SEPTIN7: variants seen among roughly 807,000 people sequenced by gnomAD.
SEPTIN7 encodes septin 7.
A neutral mutation model predicts 63.3 loss-of-function variants in SEPTIN7; 10 were observed. The ratio of observed to expected loss-of-function variants is 0.16; its 90% CI spans 0.10 to 0.27. The LOEUF is 0.27. SEPTIN7 is among the 10% of genes least tolerant of loss of function. SEPTIN7 has a pLI of 1.00. For synonymous variants in SEPTIN7, 131 were observed against 165.3 expected, an observed-to-expected ratio of 0.79 and a Z score of 1.59; for missense variants, 310 against 521.0, an observed-to-expected ratio of 0.59 and a Z score of 3.94.
At chr7:35,814,923 C>T (rs1378854300) in intron 1 of SEPTIN7, among the ~76,000 whole-genome samples, 3 of 136,642 alleles carry the variant, frequency 2.2e-5, no homozygotes, top group Non-Finnish European at 4.5e-5. Flanking sequence ...TGCGGTGAGC[C>T]GAGATCTCGC....
intron 1 of SEPTIN7, 131 bp downstream of exon 1, chr7:35,801,401 G>C: frequency 4.2e-6 from 5 of 1,192,520 alleles, no homozygotes; most frequent in Non-Finnish European, 5.6e-6. Context: ...AGCCGGGATG[G>C]GGGCCACTGC....
intron 2 of SEPTIN7, chr7:35,831,906 T>C (rs1219675918): frequency 6.6e-6 from 2 of 304,644 alleles, no homozygotes; most frequent in South Asian, 2.7e-5. Flanking sequence ...GCAGAAACTT[T>C]TAAGAGAATG....
At chr7:35,915,217 T>TGCA in the SEPTIN7 span, among the ~76,000 whole-genome samples, 4 of 147,298 alleles carry the variant, frequency 2.7e-5, no homozygotes, top group Middle Eastern at 3.2e-3. Context: ...GCTAGTTATC[T>TGCA]GCAGCAGGAA....
At chr7:35,858,980 G>A (rs761729622) in intron 3 of SEPTIN7, among the ~76,000 whole-genome samples, 6 of 151,976 alleles carry the variant, frequency 3.9e-5, no homozygotes, top group East Asian at 1.9e-4. Flanking sequence ...ACACCCTGCC[G>A]TTTCTATTCT....
upstream of SEPTIN7, chr7:35,800,986 G>A (rs1787908796): frequency 2.2e-6 from 1 of 454,480 alleles, no homozygotes; most frequent in Non-Finnish European, 3.9e-6. Flanking sequence ...GTAATCTCGC[G>A]AGATGGAAGC....
At chr7:35,845,709 G>T (rs1304471792) in intron 3 of SEPTIN7, among the ~76,000 whole-genome samples, 2 of 152,060 alleles carry the variant, frequency 1.3e-5, no homozygotes, top group Admixed American at 6.6e-5. Context: ...CTTGCTTTAT[G>T]GTTGCTGAAT....
At chr7:35,886,377 G>C (rs1229026267) in intron 10 of SEPTIN7, among the ~76,000 whole-genome samples, 1 of 152,154 alleles carries the variant, frequency 6.6e-6, no homozygotes, top group African/African-American at 2.4e-5. Context: ...TGCTGAAAGA[G>C]AAGGAAAGCC....
chr7:35,888,336 T>C (rs899998915), intron 10 of SEPTIN7, among the ~76,000 whole-genome samples: 4 of 152,228 alleles, frequency 2.6e-5, no homozygotes, highest in South Asian at 2.1e-4. Flanking sequence ...TAGAAGACTT[T>C]AGTGATTTTA....
At chr7:35,816,498 T>C (rs543433939) in intron 1 of SEPTIN7, among the ~76,000 whole-genome samples, 16 of 152,326 alleles carry the variant, frequency 1.1e-4, no homozygotes, top group South Asian at 4.1e-4. Context: ...GGTTGTTTTC[T>C]ACTTTTTGAC....
chr7:35,871,380 A>G (rs1467836012), intron 4 of SEPTIN7, among the ~76,000 whole-genome samples: 6 of 152,206 alleles, frequency 3.9e-5, no homozygotes, highest in Non-Finnish European at 8.8e-5. Context: ...ATATGTGGCT[A>G]TTTAAGTTAA....
downstream of SEPTIN7, among the ~76,000 whole-genome samples, chr7:35,909,089 G>A (rs1219663830): frequency 2.6e-5 from 4 of 152,068 alleles, no homozygotes; most frequent in African/African-American, 7.2e-5. Context: ...TTCAGAAGTC[G>A]GAATATATCG....
At chr7:35,903,641 A>G (rs1190018388) in intron 13 of SEPTIN7, among the ~76,000 whole-genome samples, 4 of 152,212 alleles carry the variant, frequency 2.6e-5, no homozygotes, top group Admixed American at 2.0e-4. Flanking sequence ...TTAAGACAAA[A>G]TGTTAGATAT....
At chr7:35,914,895 C>T in the SEPTIN7 span, among the ~76,000 whole-genome samples, 59 of 151,502 alleles carry the variant, frequency 3.9e-4, no homozygotes, top group African/African-American at 1.1e-3. Flanking sequence ...TGTATGTGCA[C>T]GTAGATATGT....
intron 1 of SEPTIN7, among the ~76,000 whole-genome samples, chr7:35,806,921 G>A (rs1013003944): frequency 1.3e-4 from 20 of 152,188 alleles, no homozygotes; most frequent in African/African-American, 4.3e-4. Flanking sequence ...ATAGGCCTGG[G>A]ATGGGGCCCT....
chr7:35,852,665 C>A (rs533165835), intron 3 of SEPTIN7, among the ~76,000 whole-genome samples: 2 of 152,240 alleles, frequency 1.3e-5, no homozygotes, highest in South Asian at 4.1e-4. Context: ...AGTAAGGTGA[C>A]TTTGCTTATG....
At chr7:35,838,252 C>A (rs540742728) in intron 3 of SEPTIN7, among the ~76,000 whole-genome samples, 2,194 of 12,492 alleles carry the variant, frequency 0.18, 196 homozygotes, top group African/African-American at 0.33. Flanking sequence ...TTCCTTCCTT[C>A]CTTCCTTCCT....
chr7:35,879,039 G>T (rs773206363), intron 6 of SEPTIN7, among the ~76,000 whole-genome samples: 31 of 152,188 alleles, frequency 2.0e-4, no homozygotes, highest in Admixed American at 5.2e-4. Context: ...TTACTAAGAG[G>T]ATCCTGAAAA....
In SEPTIN7 at chr7:35,878,316, TA is replaced by T. The variant is rs532977752; in HGVS notation, c.513-1506del. 5.8e-3 allele frequency among the ~76,000 whole-genome samples: 883 copies of T among 152,096 alleles called. 6 individuals are homozygous for T. Among genetic ancestry groups the T allele is most frequent in the African/African-American group, 0.02 (841 of 41,482 alleles). ...ATGGAGGAGGGTGTTCCAGCTAAGG[TA>T]GTAGCCTGTGGCCAGATGTCAAAGT... On this transcript the variant is annotated intron_variant, in intron 6 of 13. Transcript: ENST00000350320.
intron 1 of SEPTIN7, among the ~76,000 whole-genome samples, chr7:35,811,628 G>GCCT (rs1788712442): frequency 1.3e-5 from 2 of 152,016 alleles, no homozygotes; most frequent in South Asian, 4.2e-4. Context: ...GGTTCTCATC[G>GCCT]GTAAACCCAG....
Sources: allele counts gnomAD v4.1 joint callset (sites outside exome capture counted in the v4.1 genomes callset), GRCh38; gene constraint gnomAD v4.1.1; transcripts MANE v1.5; gene names NCBI Gene and HGNC (gene_info 2026-07-23, HGNC 2026-07-21).